Variants in MAGI2 observed in about 807,000 individuals in gnomAD.
MAGI2 encodes the protein membrane associated guanylate kinase, WW and PDZ domain containing 2, also known as membrane-associated guanylate kinase, WW and PDZ domain-containing protein 2.
MAGI2 carries 35 observed loss-of-function variants against 133.3 expected under a neutral mutation model. The ratio of observed to expected loss-of-function variants is 0.26; its 90% CI spans 0.20 to 0.35. The LOEUF is 0.35. Among genes scored for constraint, MAGI2 ranks in the 10% least tolerant of loss-of-function variants. The pLI, the probability that MAGI2 is intolerant of heterozygous loss-of-function variation, is 1.00. For synonymous variants in MAGI2, 729 were observed against 710.6 expected, an observed-to-expected ratio of 1.03 and a Z score of -0.41; for missense variants, 1,636 against 1,863.4, an observed-to-expected ratio of 0.88 and a Z score of 2.25.
At chr7:78,666,906 A>T (rs73380214) in intron 2 of MAGI2, among the ~76,000 whole-genome samples, 2,332 of 152,212 alleles carry the variant, frequency 0.015, 69 homozygotes, top group African/African-American at 0.053. Context: ...CTTCAACACC[A>T]CTGGATTGCC....
chr7:78,362,531 G>C (rs1289076281), intron 7 of MAGI2, among the ~76,000 whole-genome samples: 2 of 152,142 alleles, frequency 1.3e-5, no homozygotes, highest in African/African-American at 4.8e-5. Context: ...GGGAATCTTA[G>C]CGACTCATGT....
chr7:79,123,785 C>CAAAA (rs71095377), intron 1 of MAGI2, among the ~76,000 whole-genome samples: 336 of 59,018 alleles, frequency 5.7e-3, no homozygotes, highest in Middle Eastern at 0.023. Context: ...GACTCCATCT[C>CAAAA]AAAAAAAAAA....
intron 1 of MAGI2, among the ~76,000 whole-genome samples, chr7:79,437,208 G>C (rs1013658164): frequency 2.0e-5 from 3 of 152,144 alleles, no homozygotes; most frequent in Non-Finnish European, 4.4e-5. Flanking sequence ...GGGAGTGGGA[G>C]AGGGGACAAG....
At chr7:78,163,854 C>A (rs1825348388) in intron 15 of MAGI2, among the ~76,000 whole-genome samples, 1 of 145,070 alleles carries the variant, frequency 6.9e-6, no homozygotes, top group Non-Finnish European at 1.5e-5. Context: ...TTGCAGTGAG[C>A]TGAGATCGCG....
chr7:78,062,611 CT>C (rs747123729), intron 21 of MAGI2, among the ~76,000 whole-genome samples: 2 of 152,208 alleles, frequency 1.3e-5, no homozygotes, highest in Non-Finnish European at 2.9e-5. Flanking sequence ...TCTTACTTCC[CT>C]GTCCAATGTG....
In MAGI2 at chr7:78,157,353, A is replaced by G. The variant is rs79545023; in HGVS notation, c.2845+2672T>C. Among the ~76,000 whole-genome samples, 711 of 152,360 alleles carry G rather than the reference A, an allele frequency of 4.7e-3. 5 individuals carry two copies. Among genetic ancestry groups the G allele is most frequent in the African/African-American group, 0.016 (686 of 41,580 alleles). On this transcript the variant is annotated intron_variant, in intron 16 of 21. Coordinates refer to ENST00000354212, the MANE Select transcript of MAGI2 (RefSeq NM_012301.4). ...ATAATATCATTTTGAAAGTGGTTAG[A>G]ATTAAATTTTGGAGGTCAGTCTGAT... is the stretch of plus-strand genomic sequence containing the variant.
intron 1 of MAGI2, among the ~76,000 whole-genome samples, chr7:79,450,330 G>A (rs1394281556): frequency 1.3e-5 from 2 of 150,926 alleles, no homozygotes; most frequent in African/African-American, 4.9e-5. Context: ...CTATAGTAAA[G>A]GTTCTGAAAA....
chr7:79,344,830 A>T (rs542117249), intron 1 of MAGI2, among the ~76,000 whole-genome samples: 2 of 152,132 alleles, frequency 1.3e-5, no homozygotes, highest in East Asian at 3.9e-4. Context: ...TACGCTAGAG[A>T]ATTGGGGTTA....
chr7:78,707,644 TG>T (rs1818787634), intron 2 of MAGI2, among the ~76,000 whole-genome samples: 1 of 152,168 alleles, frequency 6.6e-6, no homozygotes, highest in African/African-American at 2.4e-5. Context: ...TACACTTAAA[TG>T]TGCAAAAACT....
intron 2 of MAGI2, among the ~76,000 whole-genome samples, chr7:78,711,461 G>A (rs1819181537): frequency 6.6e-6 from 1 of 151,322 alleles, no homozygotes; most frequent in East Asian, 1.9e-4. Context: ...TTTATAGTCT[G>A]CTTTTGCTCT....
At chr7:78,508,888 C>CTT (rs11329362) in intron 4 of MAGI2, among the ~76,000 whole-genome samples, 4,858 of 141,320 alleles carry the variant, frequency 0.034, 214 homozygotes, top group African/African-American at 0.096. Flanking sequence ...GAAAAATAGT[C>CTT]TTTTTTTTTT....
intron 6 of MAGI2, among the ~76,000 whole-genome samples, chr7:78,375,683 T>C (rs1015323242): frequency 2.0e-5 from 3 of 152,152 alleles, no homozygotes; most frequent in African/African-American, 4.8e-5. Context: ...TTAAGTAATG[T>C]AGTGTATAGT....
In MAGI2 at chr7:79,226,275, C is replaced by T. The variant is rs141112829; in HGVS notation, c.302-219069G>A. Among the ~76,000 whole-genome samples the T allele has an allele frequency of 3.9e-4, 59 of 152,258 alleles. No homozygotes were observed. The East Asian group carries it at 0.011, about 28-fold the overall frequency. Reference sequence around the variant, plus strand: ...AATGATTATTCCATCAAGATAGTTACAGTTTCCAATTATAACATTATCAGT... The same window carrying T: ...AATGATTATTCCATCAAGATAGTTATAGTTTCCAATTATAACATTATCAGT... On this transcript the variant is annotated intron_variant, in intron 1 of 21. Coordinates refer to ENST00000354212, the MANE Select transcript of MAGI2 (RefSeq NM_012301.4).
intron 2 of MAGI2, among the ~76,000 whole-genome samples, chr7:78,632,048 G>A (rs548379956): frequency 1.8e-4 from 27 of 152,250 alleles, no homozygotes; most frequent in South Asian, 6.2e-4. Context: ...AAGGATTATT[G>A]TATGTTAAGT....
intron 9 of MAGI2, among the ~76,000 whole-genome samples, chr7:78,309,489 G>A (rs1038850213): frequency 1.3e-5 from 2 of 152,042 alleles, no homozygotes; most frequent in Middle Eastern, 3.2e-3. Flanking sequence ...CTAAGCATTG[G>A]GTATACATGG....
At chr7:79,178,663 G>T (rs1826338703) in intron 1 of MAGI2, among the ~76,000 whole-genome samples, 1 of 150,930 alleles carries the variant, frequency 6.6e-6, no homozygotes, top group Non-Finnish European at 1.5e-5. Context: ...AGTGAGCCGA[G>T]ATCACGCCAC....
At chr7:79,132,795 C>T (rs1479929316) in intron 1 of MAGI2, among the ~76,000 whole-genome samples, 4 of 152,098 alleles carry the variant, frequency 2.6e-5, no homozygotes, top group Admixed American at 1.3e-4. Context: ...CTTTTCTTCA[C>T]ATTCACGCCA....
Position 78,256,159 on chromosome 7 carries a change from C to A in MAGI2, c.1831G>T (p.Gly611Cys). ...ATAGTGAAGCCGAAGCCCTGGGCACCTTTCACAATGGTTAAGGTCATAAGT... is the reference window on the plus strand; with the variant it reads ...ATAGTGAAGCCGAAGCCCTGGGCACATTTCACAATGGTTAAGGTCATAAGT... ...AELMTLTIVK[G>C]AQGFGFTIAD... is the part of the protein sequence containing the mutation. Residue 611 changes from glycine to cysteine, a missense_variant, in exon 10 of 22, where the codon GGT (glycine) becomes TGT (cysteine). Transcript: ENST00000354212. The A allele has an allele frequency of 6.2e-7, 1 of 1,613,938 alleles. No individual in the cohort carries two copies. The highest frequency in any genetic ancestry group is 8.5e-7 in the Non-Finnish European group (1 of 1,179,966).
At chr7:79,450,275 T>A (rs1435631492) in intron 1 of MAGI2, among the ~76,000 whole-genome samples, 3 of 152,090 alleles carry the variant, frequency 2.0e-5, no homozygotes, top group African/African-American at 4.8e-5. Flanking sequence ...TCTAAATGAT[T>A]TTCCAGTAAA....
Sources: gnomAD v4.1 joint callset for allele counts (sites outside exome capture counted in the v4.1 genomes callset) on GRCh38, gnomAD v4.1.1 for gene constraint, MANE v1.5 for transcripts, NCBI Gene and HGNC (gene_info 2026-07-23, HGNC 2026-07-21) for gene names.